The following CSMD1 variants were observed in gnomAD, a reference collection of about 807,000 sequenced individuals.
CSMD1 encodes the protein CUB and sushi domain-containing protein 1.
A neutral mutation model predicts 417.5 loss-of-function variants in CSMD1; 213 were observed. That is an observed-to-expected ratio of 0.51 (90% CI 0.46 to 0.57). The LOEUF is 0.57. Ranked by LOEUF, CSMD1 falls within the 20% of genes least tolerant of loss-of-function variation. The pLI is 0.00. For missense variants in CSMD1, 6,923 were observed against 4,529.7 expected (o/e 1.53, Z -15.17); for synonymous variants, 2,862 against 1,736.8 (o/e 1.65, Z -16.11).
chr8:4,742,122 C>T (rs1810653001), intron 1 of CSMD1, among the ~76,000 whole-genome samples: 1 of 144,538 alleles, frequency 6.9e-6, no homozygotes, highest in African/African-American at 2.5e-5. Flanking sequence ...GCTCCGCTTC[C>T]CGGGTTCACG....
chr8:4,595,881 G>C (rs73659130), intron 2 of CSMD1, among the ~76,000 whole-genome samples: 4,373 of 152,102 alleles, frequency 0.029, 94 homozygotes, highest in African/African-American at 0.064. Context: ...TCTTTGCATG[G>C]AATGATCTTG....
intron 1 of CSMD1, among the ~76,000 whole-genome samples, chr8:4,800,922 C>G (rs571820038): frequency 6.6e-6 from 1 of 152,176 alleles, no homozygotes; most frequent in Non-Finnish European, 1.5e-5. Flanking sequence ...TCTGTAATAT[C>G]GGAAATAAAT....
intron 1 of CSMD1, among the ~76,000 whole-genome samples, chr8:4,702,011 G>C (rs761722412): frequency 1.2e-4 from 19 of 152,300 alleles, no homozygotes; most frequent in African/African-American, 4.1e-4. Flanking sequence ...CTCAGGAACA[G>C]AAAACCAAAC....
chr8:4,435,298 C>T (rs184464759), intron 2 of CSMD1, among the ~76,000 whole-genome samples: 15 of 152,202 alleles, frequency 9.9e-5, no homozygotes, highest in African/African-American at 3.6e-4. Flanking sequence ...AATGATTGTT[C>T]CACAGCCAAA....
chr8:4,902,327 C>T (rs1292941376), intron 1 of CSMD1, among the ~76,000 whole-genome samples: 1 of 151,566 alleles, frequency 6.6e-6, no homozygotes, highest in East Asian at 2.0e-4. Flanking sequence ...GTCCCAGCCA[C>T]TCAGGAGACT....
intron 2 of CSMD1, among the ~76,000 whole-genome samples, chr8:4,586,479 T>A (rs911320367): frequency 2.0e-5 from 3 of 152,236 alleles, no homozygotes; most frequent in African/African-American, 7.2e-5. Flanking sequence ...GGTTTAATGA[T>A]AAAAATCACA....
At chr8:4,143,238 G>C (rs533089708) in intron 3 of CSMD1, among the ~76,000 whole-genome samples, 3 of 151,216 alleles carry the variant, frequency 2.0e-5, no homozygotes, top group East Asian at 3.9e-4. Context: ...CCCTCTTATA[G>C]GGTTAGCACT....
intron 3 of CSMD1, among the ~76,000 whole-genome samples, chr8:4,161,699 C>A (rs1181785192): frequency 1.3e-5 from 2 of 152,094 alleles, no homozygotes; most frequent in African/African-American, 4.8e-5. Context: ...GAAAAATCTG[C>A]CACGAATCAT....
chr8:3,723,075 C>T (rs551638956), intron 6 of CSMD1, among the ~76,000 whole-genome samples: 65 of 152,238 alleles, frequency 4.3e-4, no homozygotes, highest in African/African-American at 1.2e-3. Flanking sequence ...CTCTTAGAGT[C>T]CTAAGGAAGA....
intron 6 of CSMD1, among the ~76,000 whole-genome samples, chr8:3,712,730 A>G (rs2129041623): frequency 6.6e-6 from 1 of 152,290 alleles, no homozygotes; most frequent in South Asian, 2.1e-4. Context: ...TGTGTGGAAG[A>G]TAACTTCAAT....
intron 3 of CSMD1, among the ~76,000 whole-genome samples, chr8:4,366,594 T>G (rs1400017760): frequency 6.6e-6 from 1 of 151,510 alleles, no homozygotes; most frequent in African/African-American, 2.4e-5. Context: ...GCATCTGTTG[T>G]TTTTTTTGCT....
chr8:3,327,092 A>G (rs981102893), intron 23 of CSMD1, among the ~76,000 whole-genome samples: 1 of 152,092 alleles, frequency 6.6e-6, no homozygotes, highest in Non-Finnish European at 1.5e-5. Flanking sequence ...ACACGTGCAG[A>G]GTCATCCTCC....
chr8:4,864,319 C>T (rs1213991724), intron 1 of CSMD1, among the ~76,000 whole-genome samples: 2 of 151,426 alleles, frequency 1.3e-5, no homozygotes, highest in African/African-American at 2.4e-5. Flanking sequence ...AAGGATGATG[C>T]CAAATTGACG....
chr8:4,034,395 AAC>A (rs1171796512), intron 3 of CSMD1, among the ~76,000 whole-genome samples: 3 of 152,232 alleles, frequency 2.0e-5, no homozygotes, highest in Admixed American at 6.5e-5. Flanking sequence ...TCTGTTTGAA[AAC>A]ACAACAGAAA....
At chr8:3,614,252 T>A (rs544780726) in intron 8 of CSMD1, among the ~76,000 whole-genome samples, 3 of 152,120 alleles carry the variant, frequency 2.0e-5, no homozygotes, top group Non-Finnish European at 4.4e-5. Context: ...AAGTGACAGA[T>A]TGAAATTCTC....
chr8:4,363,265 C>A (rs776422099), intron 3 of CSMD1, among the ~76,000 whole-genome samples: 6 of 152,176 alleles, frequency 3.9e-5, no homozygotes, highest in Non-Finnish European at 7.3e-5. Context: ...ATTATCACCC[C>A]TTAAAGGAGC....
At chr8:3,355,540 G>A (rs1351331790) in intron 21 of CSMD1, among the ~76,000 whole-genome samples, 1 of 152,146 alleles carries the variant, frequency 6.6e-6, no homozygotes, top group African/African-American at 2.4e-5. Flanking sequence ...GTGGGCCAAT[G>A]AGAGGAAACC....
intron 2 of CSMD1, among the ~76,000 whole-genome samples, chr8:4,481,516 T>C (rs994028086): frequency 2.4e-4 from 37 of 152,222 alleles, no homozygotes; most frequent in African/African-American, 8.0e-4. Flanking sequence ...TCTCATTTGC[T>C]GTTTTAAAGA....
chr8:3,501,462 A>G (rs914127503), intron 10 of CSMD1, among the ~76,000 whole-genome samples: 2 of 152,226 alleles, frequency 1.3e-5, no homozygotes, highest in African/African-American at 4.8e-5. Flanking sequence ...TAATTTTCCA[A>G]GATTTAGAAC....
Sources: gnomAD v4.1 joint callset for allele counts (sites outside exome capture counted in the v4.1 genomes callset) on GRCh38, gnomAD v4.1.1 for gene constraint, MANE v1.5 for transcripts, NCBI Gene and HGNC (gene_info 2026-07-23, HGNC 2026-07-21) for gene names.